RBFOX3: variants seen among roughly 807,000 people sequenced by gnomAD.
The protein encoded by RBFOX3 is RNA binding protein fox-1 homolog 3.
Under a neutral mutation model 48.7 loss-of-function variants are expected in RBFOX3, and 17 were observed. That is an observed-to-expected ratio of 0.35 (90% confidence interval 0.24 to 0.52). RBFOX3 has a LOEUF of 0.52. Ranked by LOEUF, RBFOX3 falls within the 20% of genes least tolerant of loss-of-function variation. RBFOX3 has a pLI of 0.94. For missense variants in RBFOX3, 382 were observed against 497.5 expected, an observed-to-expected ratio of 0.77 and a Z score of 2.21; for synonymous variants, 212 against 209.5, an observed-to-expected ratio of 1.01 and a Z score of -0.10.
At chr17:79,344,398 G>A (rs1340026870) in intron 2 of RBFOX3, among the ~76,000 whole-genome samples, 1 of 151,962 alleles carries the variant, frequency 6.6e-6, no homozygotes, top group South Asian at 2.1e-4. Context: ...GATTCTACAA[G>A]CACCAATAAA....
intron 4 of RBFOX3, among the ~76,000 whole-genome samples, chr17:79,216,158 G>A (rs2147263756): frequency 6.6e-6 from 1 of 152,386 alleles, no homozygotes; most frequent in Admixed American, 6.5e-5. Context: ...ACCTGGATAT[G>A]TCACTGCCAC....
intron 2 of RBFOX3, among the ~76,000 whole-genome samples, chr17:79,380,831 C>T (rs1296527431): frequency 2.0e-5 from 3 of 151,444 alleles, no homozygotes; most frequent in Non-Finnish European, 2.9e-5. Context: ...AACACCTCCA[C>T]GAGCACTTCC....
the RBFOX3 span, among the ~76,000 whole-genome samples, chr17:79,620,386 C>T: frequency 7.3e-4 from 111 of 151,150 alleles, 4 homozygotes; most frequent in South Asian, 0.022. Flanking sequence ...CACACACATG[C>T]ACACATGCCC....
At chr17:79,631,062 T>C in the RBFOX3 span, among the ~76,000 whole-genome samples, 1 of 152,192 alleles carries the variant, frequency 6.6e-6, no homozygotes. Flanking sequence ...CTCACGCCAG[T>C]GCCTCTTGCA....
chr17:79,274,511 C>T (rs1077693), intron 3 of RBFOX3, among the ~76,000 whole-genome samples: 34,760 of 152,090 alleles, frequency 0.23, 4,149 homozygotes, highest in African/African-American at 0.28. Context: ...TTGAAGCTTC[C>T]GTATCTGGGC....
the RBFOX3 span, among the ~76,000 whole-genome samples, chr17:79,648,196 A>G: frequency 2.1e-4 from 32 of 152,272 alleles, no homozygotes; most frequent in African/African-American, 7.5e-4. Flanking sequence ...GGATGGGCCT[A>G]TGAATGTGGT....
chr17:79,164,743 C>T (rs760007899), intron 4 of RBFOX3, among the ~76,000 whole-genome samples: 5 of 152,198 alleles, frequency 3.3e-5, no homozygotes, highest in Admixed American at 1.3e-4. Context: ...GAGCCTCACC[C>T]GCGTGGTGGC....
chr17:79,630,925 C>T, the RBFOX3 span, among the ~76,000 whole-genome samples: 13 of 152,256 alleles, frequency 8.5e-5, no homozygotes, highest in African/African-American at 3.1e-4. Context: ...GAGCAAGCAA[C>T]CCGGAAAAGC....
intron 5 of RBFOX3, 90 bp downstream of exon 5, chr17:79,115,404 C>T (rs1175490805): frequency 8.6e-6 from 7 of 810,274 alleles, no homozygotes; most frequent in African/African-American, 1.8e-5. Context: ...CCACCTGGTA[C>T]ACCTCATGCC....
chr17:79,461,787 T>C (rs1259108589), intron 2 of RBFOX3, among the ~76,000 whole-genome samples: 1 of 152,086 alleles, frequency 6.6e-6, no homozygotes, highest in Non-Finnish European at 1.5e-5. Flanking sequence ...AAGAAAAAGA[T>C]GGGGATTTGG....
chr17:79,378,861 C>A (rs918632172), intron 2 of RBFOX3, among the ~76,000 whole-genome samples: 1 of 152,244 alleles, frequency 6.6e-6, no homozygotes, highest in African/African-American at 2.4e-5. Flanking sequence ...CTGCTCTCCA[C>A]AGCCGCACAG....
At chr17:79,322,625 A>G (rs1171366231) in intron 2 of RBFOX3, among the ~76,000 whole-genome samples, 1 of 152,200 alleles carries the variant, frequency 6.6e-6, no homozygotes, top group Non-Finnish European at 1.5e-5. Context: ...GAGGGGGTAC[A>G]GAGGAGACAC....
chr17:79,131,294 A>C (rs751647985), intron 4 of RBFOX3, among the ~76,000 whole-genome samples: 71 of 151,676 alleles, frequency 4.7e-4, no homozygotes, highest in Admixed American at 1.0e-3. Flanking sequence ...TGTGTATTCC[A>C]TGTGCCCTCC....
chr17:79,585,767 G>A (rs1335476289), intron 1 of RBFOX3, among the ~76,000 whole-genome samples: 1 of 152,088 alleles, frequency 6.6e-6, no homozygotes, highest in African/African-American at 2.4e-5. Context: ...CAGGAAGCAA[G>A]AGCATCTGAA....
At chr17:79,191,760 C>T (rs565234650) in intron 4 of RBFOX3, among the ~76,000 whole-genome samples, 58 of 152,170 alleles carry the variant, frequency 3.8e-4, no homozygotes, top group Non-Finnish European at 7.8e-4. Context: ...CAGATGCAGA[C>T]GGTAACCTAC....
chr17:79,131,887 G>A (rs1296433634), intron 4 of RBFOX3, among the ~76,000 whole-genome samples: 1 of 152,166 alleles, frequency 6.6e-6, no homozygotes, highest in Non-Finnish European at 1.5e-5. Context: ...GGTCAGCACA[G>A]ATCTCAGCTG....
chr17:79,281,891 C>A (rs955888699), intron 3 of RBFOX3, among the ~76,000 whole-genome samples: 1 of 152,160 alleles, frequency 6.6e-6, no homozygotes, highest in South Asian at 2.1e-4. Context: ...AAGCCATCAT[C>A]GGGGAAACGA....
chr17:79,153,192 A>AC (rs2044989481), intron 4 of RBFOX3, among the ~76,000 whole-genome samples: 1 of 151,758 alleles, frequency 6.6e-6, no homozygotes, highest in Admixed American at 6.6e-5. Context: ...AGAACTGCTG[A>AC]CCCCCAGATC....
At chr17:79,440,727 A>C (rs913339831) in intron 2 of RBFOX3, among the ~76,000 whole-genome samples, 217 of 151,810 alleles carry the variant, frequency 1.4e-3, no homozygotes, top group African/African-American at 5.1e-3. Context: ...CCCCAGCACA[A>C]CCTCCTGCCA....
Sources: gnomAD v4.1 joint callset for allele counts (sites outside exome capture counted in the v4.1 genomes callset) on GRCh38, gnomAD v4.1.1 for gene constraint, MANE v1.5 for transcripts, NCBI Gene and HGNC (gene_info 2026-07-23, HGNC 2026-07-21) for gene names.